NOL4: variants seen among roughly 807,000 people sequenced by gnomAD.
NOL4 encodes nucleolar protein 4.
A neutral mutation model predicts 75.9 loss-of-function variants in NOL4; 17 were observed. That is an observed-to-expected ratio of 0.22 (90% confidence interval 0.15 to 0.34). NOL4 has a LOEUF of 0.34. NOL4 is among the 10% of genes least tolerant of loss of function. NOL4 has a pLI of 1.00. For synonymous variants in NOL4, 292 were observed against 289.9 expected (o/e 1.01, Z -0.07); for missense variants, 614 against 793.5 (o/e 0.77, Z 2.72).
intron 9 of NOL4, among the ~76,000 whole-genome samples, chr18:33,886,538 A>G (rs1420143338): frequency 6.6e-6 from 1 of 150,966 alleles, no homozygotes; most frequent in African/African-American, 2.4e-5. Flanking sequence ...AAAAAAAAAA[A>G]AAAGAAAAAA....
intron 6 of NOL4, among the ~76,000 whole-genome samples, chr18:33,993,518 T>C (rs115889780): frequency 0.012 from 1,774 of 151,970 alleles, 32 homozygotes; most frequent in African/African-American, 0.04. Context: ...ACCTGTAGTA[T>C]TTAAAATGGG....
chr18:33,945,011 T>C (rs945230128), intron 8 of NOL4, among the ~76,000 whole-genome samples: 6 of 151,888 alleles, frequency 4.0e-5, no homozygotes, highest in South Asian at 2.1e-4. Flanking sequence ...AAAGATGTTA[T>C]AGGAAAAATG....
chr18:34,105,278 T>G (rs2079218330), intron 2 of NOL4, 118 bp from the exon 3 acceptor site: 2 of 679,792 alleles, frequency 2.9e-6, no homozygotes, highest in South Asian at 1.7e-5. Context: ...GGAAGCACAA[T>G]GAAAGCATGC....
chr18:33,931,854 A>ATGTTTTTAAATATATATATTTAAAAC (rs1184016293), intron 9 of NOL4, among the ~76,000 whole-genome samples: 6 of 152,156 alleles, frequency 3.9e-5, no homozygotes, highest in East Asian at 3.9e-4. Context: ...CAAAGTTTTT[A>ATGTTTTTAAATATATATATTTAAAAC]TGTTTTTAAA....
rs986076656 is a variant in NOL4 at position 33,919,182 on chromosome 18, C to A, written c.1542+23883G>T. Among the ~76,000 whole-genome samples, 3 of 152,236 alleles carry A rather than the reference C, an allele frequency of 2.0e-5. No individual in the cohort carries two copies. The East Asian group carries it at 5.8e-4, about 29-fold the overall frequency. On this transcript the variant is annotated intron_variant, in intron 9 of 10. Transcript: ENST00000261592. ...GAGCGTGTCATCTTTGGGTTGGACC[C>A]TGTTGCCATTGCTATAGCACAGCTC... is the stretch of plus-strand genomic sequence containing the variant.
chr18:33,983,617 CAT>C (rs1323912254), intron 6 of NOL4, among the ~76,000 whole-genome samples: 1 of 151,826 alleles, frequency 6.6e-6, no homozygotes, highest in Non-Finnish European at 1.5e-5. Context: ...TATATGCACA[CAT>C]ATACACATAT....
intron 9 of NOL4, among the ~76,000 whole-genome samples, chr18:33,913,627 G>C (rs2066539259): frequency 6.6e-6 from 1 of 152,066 alleles, no homozygotes; most frequent in African/African-American, 2.4e-5. Flanking sequence ...CATTATGGTA[G>C]AAAAAATGCA....
chr18:34,004,239 T>C (rs1427120248), intron 6 of NOL4, among the ~76,000 whole-genome samples: 2 of 152,108 alleles, frequency 1.3e-5, no homozygotes, highest in African/African-American at 2.4e-5. Flanking sequence ...TATTGATTGA[T>C]GTCTTATGGC....
chr18:33,922,577 T>C (rs2067103865), intron 9 of NOL4, among the ~76,000 whole-genome samples: 1 of 152,178 alleles, frequency 6.6e-6, no homozygotes, highest in South Asian at 2.1e-4. Flanking sequence ...GTCAGTTGCA[T>C]CTCAATGGCC....
intron 6 of NOL4, among the ~76,000 whole-genome samples, chr18:33,989,061 C>A (rs1232775327): frequency 1.3e-5 from 2 of 151,400 alleles, no homozygotes; most frequent in African/African-American, 4.9e-5. Flanking sequence ...GTGGTGCACA[C>A]CTGTAGTCTC....
At chr18:34,119,604 GA>G (rs2080026415) in intron 2 of NOL4, among the ~76,000 whole-genome samples, 1 of 151,974 alleles carries the variant, frequency 6.6e-6, no homozygotes, top group Admixed American at 6.6e-5. Flanking sequence ...GCCCAGTCAG[GA>G]GTATCTGGGT....
intron 1 of NOL4, among the ~76,000 whole-genome samples, chr18:34,132,129 A>G (rs2080681131): frequency 1.3e-5 from 2 of 152,144 alleles, no homozygotes; most frequent in Admixed American, 6.5e-5. Context: ...AGGCTGCATT[A>G]TATTACCATT....
At chr18:34,003,714 G>A in intron 6 of NOL4, among the ~76,000 whole-genome samples, 1 of 151,958 alleles carries the variant, frequency 6.6e-6, no homozygotes, top group Non-Finnish European at 1.5e-5. Flanking sequence ...ACACTCTCCT[G>A]TTCTTCAGCA....
intron 5 of NOL4, among the ~76,000 whole-genome samples, chr18:34,038,242 A>C (rs2075996967): frequency 6.6e-6 from 1 of 151,978 alleles, no homozygotes; most frequent in South Asian, 2.1e-4. Context: ...AAATGTAAGA[A>C]ATGTTGGCAA....
intron 5 of NOL4, among the ~76,000 whole-genome samples, chr18:34,060,319 G>T (rs1352058536): frequency 6.6e-6 from 1 of 152,020 alleles, no homozygotes. Flanking sequence ...GTAAACACAG[G>T]ATTGTGTTTA....
intron 1 of NOL4, among the ~76,000 whole-genome samples, chr18:34,145,330 G>A (rs1301376494): frequency 6.6e-6 from 1 of 151,784 alleles, no homozygotes; most frequent in Non-Finnish European, 1.5e-5. Flanking sequence ...ATTCTAATGG[G>A]CAAAATCATC....
intron 6 of NOL4, among the ~76,000 whole-genome samples, chr18:33,998,457 G>T (rs756846662): frequency 8.6e-5 from 13 of 152,030 alleles, no homozygotes; most frequent in Non-Finnish European, 1.6e-4. Context: ...AGATGAAGGA[G>T]AAAATGTGAT....
chr18:34,013,836 T>A (rs1032674867), intron 6 of NOL4, among the ~76,000 whole-genome samples: 1 of 151,948 alleles, frequency 6.6e-6, no homozygotes, highest in Admixed American at 6.6e-5. Context: ...CGTCTAGCAC[T>A]CAGGAGAGTG....
At chr18:33,944,506 C>G (rs1018172293) in intron 8 of NOL4, among the ~76,000 whole-genome samples, 2 of 151,840 alleles carry the variant, frequency 1.3e-5, no homozygotes, top group Non-Finnish European at 2.9e-5. Flanking sequence ...CACTACTCCC[C>G]CTCCAAAGTA....
Sources: gnomAD v4.1 joint callset for allele counts (sites outside exome capture counted in the v4.1 genomes callset) on GRCh38, gnomAD v4.1.1 for gene constraint, MANE v1.5 for transcripts, NCBI Gene and HGNC (gene_info 2026-07-23, HGNC 2026-07-21) for gene names.